Variants in GRM2 observed in about 807,000 individuals in gnomAD.
GRM2 encodes the protein metabotropic glutamate receptor 2.
Under a neutral mutation model 60.4 loss-of-function variants are expected in GRM2, and 35 were observed. That is an observed-to-expected ratio of 0.58 (90% CI 0.44 to 0.77). GRM2 has a LOEUF of 0.77. Ranked by LOEUF, GRM2 falls within the 30% of genes least tolerant of loss-of-function variation. GRM2 has a pLI of 0.00. For synonymous variants in GRM2, 437 were observed against 484.1 expected (o/e 0.90, Z 1.28); for missense variants, 925 against 1,199.5 (o/e 0.77, Z 3.38).
rs968299358 is a variant in GRM2 at position 51,710,274 on chromosome 3, A to G, written c.450+841A>G. Among the ~76,000 whole-genome samples the G allele has an allele frequency of 2.6e-5, 4 of 152,310 alleles. No homozygotes were observed. The East Asian group carries it at 5.8e-4, about 22-fold the overall frequency. On this transcript the variant is annotated intron_variant, in intron 2 of 5. Coordinates refer to ENST00000395052, the MANE Select transcript of GRM2 (RefSeq NM_000839.5). ...CTCCCAAAGTGCTGGGATTATAGGC[A>G]TGAGCCACTGTGCCCGGCCCACAAC...
Position 51,709,367 on chromosome 3 carries a change from C to A in GRM2, c.384C>A (p.Thr128=). The A allele has an allele frequency of 6.3e-7, 1 of 1,586,776 alleles. No individual in the cohort carries two copies. The highest frequency in any genetic ancestry group is 1.1e-5 in the South Asian group (1 of 90,308). The change falls in exon 2 of 6, where the codon ACC becomes ACA. Residue 128 remains threonine, a synonymous_variant. Coordinates refer to ENST00000395052, the MANE Select transcript of GRM2 (RefSeq NM_000839.5). Reference sequence around the variant, plus strand: ...TCTGCCCCGACGGCTCTTATGCGACCCATGGTGATGCTCCCACTGCCATCA... The same window carrying A: ...TCTGCCCCGACGGCTCTTATGCGACACATGGTGATGCTCCCACTGCCATCA... ...RHICPDGSYA[T]HGDAPTAITG...
rs1243473507 is a variant in GRM2, at chr3:51,717,234, G to T, written c.2365-403G>T. Among the ~76,000 whole-genome samples, 1 of 151,648 alleles carries T rather than the reference G, an allele frequency of 6.6e-6. No individual in the cohort carries two copies. The highest frequency in any genetic ancestry group is 2.4e-5 in the African/African-American group (1 of 41,208). ...ACACACATATATCTTCCTGACAAAT[G>T]AATCCATACCCATGCACCCTACACT... On this transcript the variant is annotated intron_variant, in intron 4 of 5. Coordinates refer to ENST00000395052, the MANE Select transcript of GRM2 (RefSeq NM_000839.5). The surrounding 1 kb of genome is among the most constrained non-coding windows in gnomAD (Gnocchi z 6.0).
At chr3:51,710,723 A>C (rs1577554816) in intron 2 of GRM2, among the ~76,000 whole-genome samples, 2 of 152,226 alleles carry the variant, frequency 1.3e-5, no homozygotes, top group Non-Finnish European at 2.9e-5. Flanking sequence ...TCAGCCTCCT[A>C]CTCTCCCACA....
Position 51,712,293 on chromosome 3 carries a change from T to TA in GRM2, c.451-173dup, listed in dbSNP as rs781505434. ...CTCTCTCTCAGCCCTTGGAAAGAGA[T>TA]AAAAAAACTCCCTAGCCCAGAGGGA... On this transcript the variant is annotated intron_variant, in intron 2 of 5. Coordinates refer to ENST00000395052, the MANE Select transcript of GRM2 (RefSeq NM_000839.5). The surrounding 1 kb of genome is among the most constrained non-coding windows in gnomAD (Gnocchi z 5.3). Among the ~76,000 whole-genome samples, 50 of 152,146 alleles carry TA rather than the reference T, an allele frequency of 3.3e-4. No individual in the cohort carries two copies. The highest frequency in any genetic ancestry group is 7.9e-4 in the African/African-American group (33 of 41,512).
intron 3 of GRM2, 114 bp from the exon 4 acceptor site, chr3:51,714,948 G>A: frequency 1.7e-6 from 1 of 597,926 alleles, no homozygotes; most frequent in Non-Finnish European, 3.0e-6. Context: ...AGGATTGGAA[G>A]GGCTAATGGT....
At position 51,718,470 on chromosome 3, in the gene GRM2, A is replaced by G; in HGVS notation, c.*358A>G. ...GCTTCCAGCCCAGCCCCTCCCCCCA[A>G]CTAGGGCCTTTTTTATTTTTTATAT... is the stretch of plus-strand genomic sequence containing the variant. On this transcript the variant is annotated 3_prime_UTR_variant, in exon 6 of 6. Transcript: ENST00000395052. This position sits in a 1 kb window ranked among gnomAD's most constrained non-coding sequence, Gnocchi z 4.2. 1 of 240,464 alleles carries G rather than the reference A, an allele frequency of 4.2e-6. No homozygotes were observed. The highest frequency in any genetic ancestry group is 8.1e-6 in the Non-Finnish European group (1 of 124,212). 14.9% of individuals were successfully genotyped at this position (240,464 alleles called of 1,614,324 possible). A position where few individuals can be genotyped will look rare whatever the true frequency, so the allele number is the denominator to read the frequency against.
rs1577562332 is a variant in GRM2, at chr3:51,715,378, C to T, written c.1605C>T (p.Phe535=). The T allele has an allele frequency of 6.2e-7, 1 of 1,613,716 alleles. No individual in the cohort carries two copies. Among genetic ancestry groups the T allele is most frequent in the East Asian group, 2.2e-5 (1 of 44,882 alleles). ...CQPYEYRLDE[F]TCADCGLGYW... Reference sequence around the variant, plus strand: ...CCTATGAGTACCGATTGGACGAATTCACTTGCGCTGATTGTGGCCTGGGCT... The same window carrying T: ...CCTATGAGTACCGATTGGACGAATTTACTTGCGCTGATTGTGGCCTGGGCT... Residue 535 remains phenylalanine (F), a synonymous_variant, in exon 4 of 6, where the codon TTC becomes TTT. Transcript: ENST00000395052. This position sits in a 1 kb window ranked among gnomAD's most constrained non-coding sequence, Gnocchi z 9.0.
Position 51,715,436 on chromosome 3 carries a change from G to A in GRM2, c.1663G>A (p.Glu555Lys), listed in dbSNP as rs759568400. ...CAATGCCAGCCTGACTGGCTGCTTC[G>A]AACTGCCCCAGGAGTACATCCGCTG... ...WPNASLTGCF[E>K]LPQEYIRWGD... The change falls in exon 4 of 6, where the codon GAA (glutamate) becomes AAA (lysine). Residue 555 changes from glutamate (E) to lysine (K), a missense_variant. By Grantham distance (56) the Glu-to-Lys change is moderately conservative (BLOSUM62 1). Transcript: ENST00000395052. The surrounding 1 kb of genome is among the most constrained non-coding windows in gnomAD (Gnocchi z 9.0). The A allele has an allele frequency of 2.0e-5, 33 of 1,612,824 alleles. No individual in the cohort carries two copies. The highest frequency in any genetic ancestry group is 3.3e-4 in the Middle Eastern group (2 of 6,060).
chr3:51,712,953 G>C lies in GRM2; in HGVS notation c.931G>C (p.Ala311Pro). ...ESVVAGSEGA[A>P]EGAITIELAS... ...TGTGGTGGCAGGCAGTGAGGGGGCT[G>C]CTGAGGGTGCTATCACCATCGAGCT... is the stretch of plus-strand genomic sequence containing the variant. The change falls in exon 3 of 6, where the codon GCT becomes CCT. Residue 311 changes from alanine to proline, a missense_variant. Coordinates refer to ENST00000395052, the MANE Select transcript of GRM2 (RefSeq NM_000839.5). This position sits in a 1 kb window ranked among gnomAD's most constrained non-coding sequence, Gnocchi z 5.3. 6.2e-7 allele frequency: 1 copy of C among 1,613,076 alleles called. No individual in the cohort carries two copies. Among genetic ancestry groups the C allele is most frequent in the Admixed American group, 1.7e-5 (1 of 60,024 alleles).
In GRM2 at chr3:51,708,868, T is replaced by G; in HGVS notation, c.-116T>G. On this transcript the variant is annotated 5_prime_UTR_variant, in exon 2 of 6. Transcript: ENST00000395052. ...TGCAGGAGCTGGGTCCCTTCGCATC[T>G]CTCTTCTTGTCTGTCCTTTCCTGGT... 1 of 749,000 alleles carries G rather than the reference T, an allele frequency of 1.3e-6. No individual in the cohort carries two copies. Among genetic ancestry groups the G allele is most frequent in the African/African-American group, 1.8e-5 (1 of 56,836 alleles). 46.4% of individuals were successfully genotyped at this position (749,000 alleles called of 1,614,324 possible). A position where few individuals can be genotyped will look rare whatever the true frequency, so the allele number is the denominator to read the frequency against.
Position 51,715,233 on chromosome 3 carries a change from G to A in GRM2, c.1460G>A (p.Trp487Ter). 2 of 1,612,466 alleles carry A rather than the reference G, an allele frequency of 1.2e-6. No individual in the cohort carries two copies. The highest frequency in any genetic ancestry group is 1.7e-6 in the Non-Finnish European group (2 of 1,178,948). The change falls in exon 4 of 6, where the codon TGG (tryptophan) becomes TAG (stop). Residue 487 changes from tryptophan to a stop codon, truncating the protein, a stop_gained. Coordinates refer to ENST00000395052, the MANE Select transcript of GRM2 (RefSeq NM_000839.5). LOFTEE classifies it high-confidence loss of function. This position sits in a 1 kb window ranked among gnomAD's most constrained non-coding sequence, Gnocchi z 9.0. Reference sequence around the variant, plus strand: ...ACTCTGGACACCAGCCTCATCCCATGGGCCTCACCCTCAGCCGGCCCCCTG... The same window carrying A: ...ACTCTGGACACCAGCCTCATCCCATAGGCCTCACCCTCAGCCGGCCCCCTG... ...GLTLDTSLIP[W>*]ASPSAGPLPA...
chr3:51,717,974 C>T lies in GRM2; in HGVS notation c.2546-65C>T. The T allele has an allele frequency of 6.6e-7, 1 of 1,507,512 alleles. No homozygotes were observed. 93.4% of individuals were successfully genotyped at this position (1,507,512 alleles called of 1,614,324 possible). A position where few individuals can be genotyped will look rare whatever the true frequency, so the allele number is the denominator to read the frequency against. On this transcript the variant is annotated intron_variant, in intron 5 of 5. Coordinates refer to ENST00000395052, the MANE Select transcript of GRM2 (RefSeq NM_000839.5). The surrounding 1 kb of genome is among the most constrained non-coding windows in gnomAD (Gnocchi z 6.0). ...GGAGGCTTCCCTCACAGCCCTGCTT[C>T]CCCACTGCCTGCCCTCCATGGAGGA...
rs765098461 is a variant in GRM2, at chr3:51,716,018, A to G, written c.2245A>G (p.Thr749Ala). 1 of 1,613,822 alleles carries G rather than the reference A, an allele frequency of 6.2e-7. No individual in the cohort carries two copies. The highest frequency in any genetic ancestry group is 1.3e-5 in the African/African-American group (1 of 74,828). The change falls in exon 4 of 6, where the codon ACT becomes GCT. Residue 749 changes from threonine (T) to alanine (A), a missense_variant. By Grantham distance (58) the Thr-to-Ala change is moderately conservative. Transcript: ENST00000395052. The surrounding 1 kb of genome is among the most constrained non-coding windows in gnomAD (Gnocchi z 4.0). The part of the protein sequence containing the change: ...IALCTLYAFK[T>A]RKCPENFNEA... ...GCTCTGCACGCTTTATGCCTTCAAG[A>G]CTCGCAAGTGCCCCGAAAACTTCAA...
Position 51,717,852 on chromosome 3 carries a change from C to G in GRM2, c.2545+35C>G. The G allele has an allele frequency of 1.3e-6, 2 of 1,592,602 alleles. No individual in the cohort carries two copies. Among genetic ancestry groups the G allele is most frequent in the Non-Finnish European group, 1.7e-6 (2 of 1,161,384 alleles). ...CTAAGCAGCCCTCTCTGCCTGTTCC[C>G]CTCTCCCTGTCCAGCTCCTTGGGTT... On this transcript the variant is annotated intron_variant, in intron 5 of 5. Transcript: ENST00000395052. The surrounding 1 kb of genome is among the most constrained non-coding windows in gnomAD (Gnocchi z 6.0).
At position 51,716,113 on chromosome 3, in the gene GRM2, C is replaced by G; in HGVS notation, c.2340C>G (p.Phe780Leu). The G allele has an allele frequency of 6.2e-7, 1 of 1,613,516 alleles. No homozygotes were observed. The highest frequency in any genetic ancestry group is 8.5e-7 in the Non-Finnish European group (1 of 1,179,388). The change falls in exon 4 of 6, where the codon TTC becomes TTG. Residue 780 changes from phenylalanine (F) to leucine (L), a missense_variant. Coordinates refer to ENST00000395052, the MANE Select transcript of GRM2 (RefSeq NM_000839.5). This position sits in a 1 kb window ranked among gnomAD's most constrained non-coding sequence, Gnocchi z 4.0. ...TCTGGCTGGCATTCCTGCCCATCTT[C>G]TATGTCACCTCCAGTGACTACCGGG... Reference protein sequence around the residue: ...CIIWLAFLPIFYVTSSDYRVQ... With the variant: ...CIIWLAFLPILYVTSSDYRVQ...
chr3:51,709,387 C>T lies in GRM2; in HGVS notation c.404C>T (p.Ala135Val). 1 of 1,579,766 alleles carries T rather than the reference C, an allele frequency of 6.3e-7. No individual in the cohort carries two copies. The highest frequency in any genetic ancestry group is 8.7e-7 in the Non-Finnish European group (1 of 1,153,842). ...GCGACCCATGGTGATGCTCCCACTGCCATCACTGGTGTTATTGGCGGTTCC... is the reference window on the plus strand; with the variant it reads ...GCGACCCATGGTGATGCTCCCACTGTCATCACTGGTGTTATTGGCGGTTCC... ...SYATHGDAPTAITGVIGGSYS... is the reference protein window; with the variant it reads ...SYATHGDAPTVITGVIGGSYS... Residue 135 changes from alanine (A) to valine (V), a missense_variant, in exon 2 of 6, where the codon GCC becomes GTC. Ala to Val is a moderately conservative substitution (Grantham distance 64). Coordinates refer to ENST00000395052, the MANE Select transcript of GRM2 (RefSeq NM_000839.5).
In GRM2 at chr3:51,717,718, A is replaced by G; in HGVS notation, c.2446A>G (p.Ile816Val). 1.9e-6 allele frequency: 3 copies of G among 1,614,136 alleles called. No homozygotes were observed. Among genetic ancestry groups the G allele is most frequent in the South Asian group, 1.1e-5 (1 of 91,082 alleles). Residue 816 changes from isoleucine (I) to valine (V), a missense_variant, in exon 5 of 6, where the codon ATC (isoleucine) becomes GTC (valine). Transcript: ENST00000395052. This position sits in a 1 kb window ranked among gnomAD's most constrained non-coding sequence, Gnocchi z 6.0. ...LGCLFAPKLH[I>V]ILFQPQKNVV... ...CTGCCTCTTTGCGCCCAAGCTGCAC[A>G]TCATCCTCTTCCAGCCGCAGAAGAA... is the stretch of plus-strand genomic sequence containing the variant.
chr3:51,713,432 G>A lies in GRM2; in HGVS notation c.1288+122G>A. Reference sequence around the variant, plus strand: ...AGTGAAAGTAAAGGACTCACCTGGGGTGGCGTCAGAGCAAGGGCAAGGATG... The same window carrying A: ...AGTGAAAGTAAAGGACTCACCTGGGATGGCGTCAGAGCAAGGGCAAGGATG... On this transcript the variant is annotated intron_variant, in intron 3 of 5. Coordinates refer to ENST00000395052, the MANE Select transcript of GRM2 (RefSeq NM_000839.5). The surrounding 1 kb of genome is among the most constrained non-coding windows in gnomAD (Gnocchi z 4.8). 1.4e-6 allele frequency: 1 copy of A among 730,900 alleles called. No homozygotes were observed. Among genetic ancestry groups the A allele is most frequent in the Non-Finnish European group, 2.2e-6 (1 of 444,684 alleles). The allele number at this position is 730,900 out of a possible 1,614,324, so 45.3% of individuals were successfully genotyped here.
chr3:51,708,041 C>T (rs1703567510), intron 1 of GRM2: 1 of 152,090 alleles, frequency 6.6e-6, no homozygotes, highest in South Asian at 2.1e-4. Context: ...GAAGAGAAAA[C>T]AGAGGCACAA....
Sources: gnomAD v4.1 joint callset for allele counts (sites outside exome capture counted in the v4.1 genomes callset) on GRCh38, gnomAD v4.1.1 for gene constraint, Gnocchi (gnomAD v3.1) non-coding constraint, MANE v1.5 for transcripts, NCBI Gene and HGNC (gene_info 2026-07-23, HGNC 2026-07-21) for gene names.